The following PLEKHH2 variants were observed in gnomAD, a reference collection of about 807,000 sequenced individuals.
The protein encoded by PLEKHH2 is pleckstrin homology, MyTH4 and FERM domain containing H2.
Under a neutral mutation model 187.9 loss-of-function variants are expected in PLEKHH2, and 129 were observed. The ratio of observed to expected loss-of-function variants is 0.69; its 90% CI spans 0.59 to 0.79. The LOEUF is 0.79. PLEKHH2 is among the 30% of genes least tolerant of loss of function. PLEKHH2 has a pLI of 0.00. For synonymous variants in PLEKHH2, 686 were observed against 605.6 expected (o/e 1.13, Z -1.95); for missense variants, 2,076 against 1,751.2 (o/e 1.19, Z -3.31).
At chr2:43,652,915 A>G (rs142252872) in intron 2 of PLEKHH2, among the ~76,000 whole-genome samples, 1 of 152,340 alleles carries the variant, frequency 6.6e-6, no homozygotes, top group East Asian at 1.9e-4. Flanking sequence ...ATATTCAGAG[A>G]ATAAATAAGA....
chr2:43,748,651 C>T (rs1205670051), intron 24 of PLEKHH2, among the ~76,000 whole-genome samples: 1 of 152,222 alleles, frequency 6.6e-6, no homozygotes, highest in East Asian at 1.9e-4. Flanking sequence ...AAGCACTGAC[C>T]TAACGGTCCT....
intron 15 of PLEKHH2, among the ~76,000 whole-genome samples, chr2:43,717,038 A>C (rs1366946381): frequency 6.6e-6 from 1 of 152,232 alleles, no homozygotes; most frequent in Non-Finnish European, 1.5e-5. Flanking sequence ...CCAAGTTGGC[A>C]GAGAAGGACA....
At chr2:43,682,939 T>TAC (rs148292692) in intron 3 of PLEKHH2, among the ~76,000 whole-genome samples, 60,944 of 149,580 alleles carry the variant, frequency 0.41, 12,562 homozygotes, top group African/African-American at 0.44. Context: ...GTTCCATATA[T>TAC]ACACACACAC....
chr2:43,671,415 T>A lies in PLEKHH2; in HGVS notation c.124-7448T>A, dbSNP rs1258239179. 5.3e-5 allele frequency among the ~76,000 whole-genome samples: 8 copies of A among 152,266 alleles called. No individual in the cohort carries two copies. The South Asian group carries it at 1.7e-3, about 32-fold the overall frequency. The stretch of plus-strand genomic sequence containing the variant: ...ACTTTATGTGTAGATACTCATGTCA[T>A]CTGTGAATAAATATTGCTTTATTTC... On this transcript the variant is annotated intron_variant, in intron 2 of 29. Coordinates refer to ENST00000282406, the MANE Select transcript of PLEKHH2 (RefSeq NM_172069.4).
chr2:43,674,585 A>T (rs556073742), intron 2 of PLEKHH2, among the ~76,000 whole-genome samples: 1 of 152,362 alleles, frequency 6.6e-6, no homozygotes, highest in Admixed American at 6.5e-5. Flanking sequence ...ATTTTCACAG[A>T]AATTAAATAT....
intron 2 of PLEKHH2, among the ~76,000 whole-genome samples, chr2:43,670,184 T>C (rs1334813694): frequency 6.6e-6 from 1 of 152,240 alleles, no homozygotes; most frequent in African/African-American, 2.4e-5. Flanking sequence ...AATAAAATTA[T>C]GTTCTTACAC....
chr2:43,720,563 C>T (rs577139832), intron 15 of PLEKHH2, 106 bp from the exon 16 acceptor site: 1 of 1,532,804 alleles, frequency 6.5e-7, no homozygotes, highest in African/African-American at 1.4e-5. Context: ...TCACTTATAT[C>T]TGGGCAAACT....
At chr2:43,747,663 TGA>T (rs1671836342) in intron 24 of PLEKHH2, among the ~76,000 whole-genome samples, 1 of 152,198 alleles carries the variant, frequency 6.6e-6, no homozygotes, top group African/African-American at 2.4e-5. Context: ...CACTGTTAAC[TGA>T]CCAGCTCACA....
intron 21 of PLEKHH2, 21 bp from the exon 22 acceptor site, chr2:43,742,720 A>T: frequency 6.7e-7 from 1 of 1,489,828 alleles, no homozygotes; most frequent in Non-Finnish European, 9.0e-7. Flanking sequence ...CTTAGATTTT[A>T]TCTTAAGTTT....
rs1672607441 is a variant in PLEKHH2 at position 43,765,999 on chromosome 2, C to A, written c.*401C>A. 1 of 166,054 alleles carries A rather than the reference C, an allele frequency of 6.0e-6. No homozygotes were observed. Among genetic ancestry groups the A allele is most frequent in the Non-Finnish European group, 1.3e-5 (1 of 76,948 alleles). The allele number at this position is 166,054 out of a possible 1,614,324, so 10.3% of individuals were successfully genotyped here. Reference sequence around the variant, plus strand: ...AACCAGTTGATTATTTGGAAATGTTCACTGCCAAAATAGTAAGTGCTATAA... The same window carrying A: ...AACCAGTTGATTATTTGGAAATGTTAACTGCCAAAATAGTAAGTGCTATAA... On this transcript the variant is annotated 3_prime_UTR_variant, in exon 30 of 30. Coordinates refer to ENST00000282406, the MANE Select transcript of PLEKHH2 (RefSeq NM_172069.4).
intron 3 of PLEKHH2, among the ~76,000 whole-genome samples, chr2:43,687,511 AGTAAC>A (rs1273563008): frequency 1.3e-5 from 2 of 152,242 alleles, no homozygotes; most frequent in African/African-American, 4.8e-5. Flanking sequence ...CTATATACCC[AGTAAC>A]TGGATTGCTG....
intron 2 of PLEKHH2, among the ~76,000 whole-genome samples, chr2:43,645,745 T>C (rs1462911571): frequency 2.0e-5 from 3 of 152,140 alleles, no homozygotes; most frequent in Non-Finnish European, 2.9e-5. Context: ...TTAGAAAATT[T>C]AAAATCACAC....
At chr2:43,684,057 C>T (rs1320138643) in intron 3 of PLEKHH2, among the ~76,000 whole-genome samples, 3 of 152,120 alleles carry the variant, frequency 2.0e-5, no homozygotes, top group Non-Finnish European at 4.4e-5. Flanking sequence ...TACCCAAATC[C>T]CATAGTTTAC....
chr2:43,653,076 T>C (rs1666568776), intron 2 of PLEKHH2, among the ~76,000 whole-genome samples: 1 of 152,028 alleles, frequency 6.6e-6, no homozygotes, highest in Non-Finnish European at 1.5e-5. Context: ...GAGGTCCAGT[T>C]CAATATGTCC....
chr2:43,726,783 T>C (rs1183901949), intron 17 of PLEKHH2, among the ~76,000 whole-genome samples: 3 of 152,178 alleles, frequency 2.0e-5, no homozygotes, highest in African/African-American at 7.2e-5. Context: ...TAATTTTTAA[T>C]AAAATTTGGC....
chr2:43,738,553 T>C, intron 20 of PLEKHH2, 33 bp downstream of exon 20: 1 of 1,524,256 alleles, frequency 6.6e-7, no homozygotes, highest in Non-Finnish European at 8.9e-7. Flanking sequence ...ATACATGCAA[T>C]TTAAAGTGTT....
At chr2:43,732,408 C>G (rs7603323) in intron 19 of PLEKHH2, among the ~76,000 whole-genome samples, 1 of 151,796 alleles carries the variant, frequency 6.6e-6, no homozygotes, top group East Asian at 1.9e-4. Flanking sequence ...AACTCACATT[C>G]TCTACCTGAA....
intron 26 of PLEKHH2, among the ~76,000 whole-genome samples, 198 bp from the exon 27 acceptor site, chr2:43,758,702 T>G (rs1672310963): frequency 6.6e-6 from 1 of 152,140 alleles, no homozygotes; most frequent in Non-Finnish European, 1.5e-5. Flanking sequence ...GTATGAGAAT[T>G]TGGTGAAAGG....
chr2:43,699,507 A>G, intron 7 of PLEKHH2, 140 bp from the exon 8 acceptor site: 3 of 1,005,766 alleles, frequency 3.0e-6, no homozygotes, highest in Non-Finnish European at 4.4e-6. Flanking sequence ...CCTCCCAAGT[A>G]GCTGGGACTA....
Sources: gnomAD v4.1 joint callset for allele counts (sites outside exome capture counted in the v4.1 genomes callset) on GRCh38, gnomAD v4.1.1 for gene constraint, MANE v1.5 for transcripts, NCBI Gene and HGNC (gene_info 2026-07-23, HGNC 2026-07-21) for gene names.